Variants in SLC6A3 observed in about 807,000 individuals in gnomAD.
SLC6A3 encodes the protein solute carrier family 6 member 3, also known as sodium-dependent dopamine transporter.
In SLC6A3, 19 loss-of-function variants were observed where a neutral mutation model predicts 70.4. The observed-to-expected ratio is 0.27, with a 90% CI of 0.19 to 0.40. The LOEUF (loss-of-function observed/expected upper bound fraction) is 0.40, where lower values mean the gene tolerates loss of function less well. Among genes scored for constraint, SLC6A3 ranks in the 10% least tolerant of loss-of-function variants. SLC6A3 has a pLI of 1.00. For missense variants in SLC6A3, 613 were observed against 838.5 expected (o/e 0.73, Z 3.32); for synonymous variants, 368 against 356.6 (o/e 1.03, Z -0.36).
rs558930490 is a variant in SLC6A3 at position 1,408,536 on chromosome 5, C to A, written c.1498+490G>T. On this transcript the variant is annotated intron_variant, in intron 11 of 14. Coordinates refer to ENST00000270349, the MANE Select transcript of SLC6A3 (RefSeq NM_001044.5). This position sits in a 1 kb window ranked among gnomAD's most constrained non-coding sequence, Gnocchi z 6.4. ...GCTGGGTTTTCTGTTGCTGTTTAAA[C>A]CACTGGTGGAAGTCCCAGGACACAG... Among the ~76,000 whole-genome samples the A allele has an allele frequency of 3.9e-5, 6 of 152,282 alleles. No individual in the cohort carries two copies. The highest frequency in any genetic ancestry group is 1.4e-4 in the African/African-American group (6 of 41,560).
chr5:1,414,625 G>GGCTTT, intron 8 of SLC6A3, 66 bp downstream of exon 8: 1 of 1,581,266 alleles, frequency 6.3e-7, no homozygotes, highest in Non-Finnish European at 8.6e-7. Flanking sequence ...CAAGGAAAAA[G>GGCTTT]GCTTTGCTGA....
At chr5:1,414,898 T>C in intron 7 of SLC6A3, 83 bp from the exon 8 acceptor site, 2 of 1,577,348 alleles carry the variant, frequency 1.3e-6, no homozygotes, top group Non-Finnish European at 1.7e-6. Context: ...TAATTTACTG[T>C]GTCTGGGGAA....
At chr5:1,420,483 T>C (rs904788519) in intron 6 of SLC6A3, 86 bp downstream of exon 6, 12 of 1,524,336 alleles carry the variant, frequency 7.9e-6, no homozygotes, top group Non-Finnish European at 1.1e-5. Flanking sequence ...CTCTGACACC[T>C]CTCAGCCCTG....
chr5:1,394,975 C>A lies in SLC6A3; in HGVS notation c.1840-217G>T, dbSNP rs1175849254. Among the ~76,000 whole-genome samples, 1 of 152,212 alleles carries A rather than the reference C, an allele frequency of 6.6e-6. No individual in the cohort carries two copies. The highest frequency in any genetic ancestry group is 1.5e-5 in the Non-Finnish European group (1 of 68,044). ...CTCACTCAAACTCCTACAAATCAAT[C>A]ATTACTTGATTTTTTAAAAAGCCGC... On this transcript the variant is annotated intron_variant, in intron 14 of 14. Transcript: ENST00000270349. The surrounding 1 kb of genome is among the most constrained non-coding windows in gnomAD (Gnocchi z 4.7).
chr5:1,436,965 G>C lies in SLC6A3; in HGVS notation c.419-4267C>G, dbSNP rs1482154530. On this transcript the variant is annotated intron_variant, in intron 3 of 14. Coordinates refer to ENST00000270349, the MANE Select transcript of SLC6A3 (RefSeq NM_001044.5). The surrounding 1 kb of genome is among the most constrained non-coding windows in gnomAD (Gnocchi z 5.2). ...AAGCAGGTCTTTGGAAGAAAGACGG[G>C]AGAGGGCCGGGCACGGTGGCTCACT... Among the ~76,000 whole-genome samples, 1 of 152,204 alleles carries C rather than the reference G, an allele frequency of 6.6e-6. No homozygotes were observed. The highest frequency in any genetic ancestry group is 2.4e-5 in the African/African-American group (1 of 41,452).
In SLC6A3 at chr5:1,421,966, C is replaced by A; in HGVS notation, c.702G>T (p.Gly234=). The A allele has an allele frequency of 1.2e-6, 2 of 1,613,028 alleles. No homozygotes were observed. Among genetic ancestry groups the A allele is most frequent in the Non-Finnish European group, 1.7e-6 (2 of 1,179,964 alleles). ...LHQSHGIDDL[G]PPRWQLTACL... is the part of the protein sequence containing the mutation. Reference sequence around the variant, plus strand: ...AGGCTGTGAGCTGCCACCGCGGAGGCCCCAGGTCGTCGATGCCATGGCTCT... The same window carrying A: ...AGGCTGTGAGCTGCCACCGCGGAGGACCCAGGTCGTCGATGCCATGGCTCT... Residue 234 remains glycine (G), a synonymous_variant, in exon 5 of 15, where the codon GGG becomes GGT. Coordinates refer to ENST00000270349, the MANE Select transcript of SLC6A3 (RefSeq NM_001044.5). This position sits in a 1 kb window ranked among gnomAD's most constrained non-coding sequence, Gnocchi z 7.2.
chr5:1,419,593 C>T (rs1029532892), intron 6 of SLC6A3, among the ~76,000 whole-genome samples: 12 of 152,246 alleles, frequency 7.9e-5, no homozygotes, highest in African/African-American at 2.4e-4. Context: ...TTTGGCCTTT[C>T]TGGGGTCCAG....
In SLC6A3 at chr5:1,397,482, C is replaced by A. The variant is rs2126311366; in HGVS notation, c.1840-2724G>T. On this transcript the variant is annotated intron_variant, in intron 14 of 14. Coordinates refer to ENST00000270349, the MANE Select transcript of SLC6A3 (RefSeq NM_001044.5). This position sits in a 1 kb window ranked among gnomAD's most constrained non-coding sequence, Gnocchi z 4.7. ...AACAAAAAAGAAACCCAGGTCCCGA[C>A]ACTCCGCAGTGAACCCGAGACACCG... 6.6e-6 allele frequency among the ~76,000 whole-genome samples: 1 copy of A among 152,276 alleles called. No homozygotes were observed. Among genetic ancestry groups the A allele is most frequent in the East Asian group, 1.9e-4 (1 of 5,180 alleles).
intron 6 of SLC6A3, among the ~76,000 whole-genome samples, chr5:1,418,523 GTGTA>G (rs1250610977): frequency 6.6e-6 from 1 of 152,068 alleles, no homozygotes; most frequent in Non-Finnish European, 1.5e-5. Flanking sequence ...GTACATGTGT[GTGTA>G]TGTATCTATC....
At position 1,397,414 on chromosome 5, in the gene SLC6A3, G is replaced by A. The variant is rs1051748342; in HGVS notation, c.1840-2656C>T. Among the ~76,000 whole-genome samples the A allele has an allele frequency of 1.3e-5, 2 of 152,166 alleles. No homozygotes were observed. The highest frequency in any genetic ancestry group is 2.9e-5 in the Non-Finnish European group (2 of 68,038). On this transcript the variant is annotated intron_variant, in intron 14 of 14. Coordinates refer to ENST00000270349, the MANE Select transcript of SLC6A3 (RefSeq NM_001044.5). This position sits in a 1 kb window ranked among gnomAD's most constrained non-coding sequence, Gnocchi z 4.7. ...CCACTGCACTCCAGCCTGGGCTACAGAGCGAGACTCCGTCTCAAAACAAAC... is the reference window on the plus strand; with the variant it reads ...CCACTGCACTCCAGCCTGGGCTACAAAGCGAGACTCCGTCTCAAAACAAAC...
At chr5:1,423,975 C>T (rs558231507) in intron 4 of SLC6A3, among the ~76,000 whole-genome samples, 2 of 152,222 alleles carry the variant, frequency 1.3e-5, no homozygotes, top group Non-Finnish European at 2.9e-5. Context: ...AGCTTTCCAC[C>T]AGCTGCAAGG....
rs1231219968 is a variant in SLC6A3 at position 1,416,490 on chromosome 5, G to T, written c.928-289C>A. 5.6e-6 allele frequency: 3 copies of T among 535,316 alleles called. No homozygotes were observed. In the African/African-American group the frequency reaches 5.7e-5, roughly 10 times the overall value. 33.2% of individuals were successfully genotyped at this position (535,316 alleles called of 1,614,324 possible). A position where few individuals can be genotyped will look rare whatever the true frequency, so the allele number is the denominator to read the frequency against. On this transcript the variant is annotated intron_variant, in intron 6 of 14. Transcript: ENST00000270349. ...GATTCCACAGAACCAGAGGTGCCCT[G>T]CTCCATAGCCCTCAGAACAGCATGG...
Position 1,420,672 on chromosome 5 carries a change from ACGT to A in SLC6A3, c.821_823del (p.Tyr274_Val275delinsLeu). 1 of 1,613,640 alleles carries A rather than the reference ACGT, an allele frequency of 6.2e-7. No individual in the cohort carries two copies. The highest frequency in any genetic ancestry group is 8.5e-7 in the Non-Finnish European group (1 of 1,179,952). Reference sequence around the variant, plus strand: ...ACGCAGGAGCAGGGCAGTGAGGACCACGTATGGCATGGTGGCTGTGATCCATAC... The same window carrying A: ...ACGCAGGAGCAGGGCAGTGAGGACCAATGGCATGGTGGCTGTGATCCATAC... On this transcript the variant is annotated inframe_deletion, in exon 6 of 15. Transcript: ENST00000270349.
chr5:1,394,705 G>A lies in SLC6A3; in HGVS notation c.*30C>T. The A allele has an allele frequency of 1.2e-6, 2 of 1,611,320 alleles. No individual in the cohort carries two copies. On this transcript the variant is annotated 3_prime_UTR_variant, in exon 15 of 15. Coordinates refer to ENST00000270349, the MANE Select transcript of SLC6A3 (RefSeq NM_001044.5). This position sits in a 1 kb window ranked among gnomAD's most constrained non-coding sequence, Gnocchi z 4.7. ...GTTCGTGTCTCTCCCATTGCAGGAT[G>A]ACTTCCTGGGGTCTTCGTCTCTGCT...
Position 1,438,737 on chromosome 5 carries a change from G to A in SLC6A3, c.418+2622C>T, listed in dbSNP as rs1353959248. On this transcript the variant is annotated intron_variant, in intron 3 of 14. Coordinates refer to ENST00000270349, the MANE Select transcript of SLC6A3 (RefSeq NM_001044.5). The surrounding 1 kb of genome is among the most constrained non-coding windows in gnomAD (Gnocchi z 6.5). Reference sequence around the variant, plus strand: ...TTGCTCCAACACCAGGCTCACTGGCGGGAGTGGGGCACAGGGCTGTGCCTT... The same window carrying A: ...TTGCTCCAACACCAGGCTCACTGGCAGGAGTGGGGCACAGGGCTGTGCCTT... 1.3e-5 allele frequency among the ~76,000 whole-genome samples: 2 copies of A among 152,208 alleles called. No individual in the cohort carries two copies. The highest frequency in any genetic ancestry group is 1.9e-4 in the East Asian group (1 of 5,194).
chr5:1,403,877 CA>C (rs1245375209), intron 12 of SLC6A3, among the ~76,000 whole-genome samples: 1 of 152,222 alleles, frequency 6.6e-6, no homozygotes, highest in Non-Finnish European at 1.5e-5. Context: ...ATCCACTCCA[CA>C]AACATGCACC....
rs3797200 is a variant in SLC6A3, at chr5:1,393,229, C to A, written c.*1506G>T. 1 of 152,154 alleles carries A rather than the reference C, an allele frequency of 6.6e-6. No homozygotes were observed. The highest frequency in any genetic ancestry group is 2.4e-5 in the African/African-American group (1 of 41,436). 9.4% of individuals were successfully genotyped at this position (152,154 alleles called of 1,614,324 possible). A position where few individuals can be genotyped will look rare whatever the true frequency, so the allele number is the denominator to read the frequency against. On this transcript the variant is annotated 3_prime_UTR_variant, in exon 15 of 15. Transcript: ENST00000270349. Reference sequence around the variant, plus strand: ...GCACGGCCCCTGCCCTCGGGCAGCACGTAGGCAGGCCCACCGACTTGAGGC... The same window carrying A: ...GCACGGCCCCTGCCCTCGGGCAGCAAGTAGGCAGGCCCACCGACTTGAGGC...
At chr5:1,414,849 G>A (rs1426817876) in intron 7 of SLC6A3, 34 bp from the exon 8 acceptor site, 18 of 1,612,202 alleles carry the variant, frequency 1.1e-5, no homozygotes, top group Non-Finnish European at 1.5e-5. Context: ...TCAGGAACCA[G>A]CTGAGCTGCA....
At chr5:1,417,634 C>A (rs1463725273) in intron 6 of SLC6A3, among the ~76,000 whole-genome samples, 1 of 152,240 alleles carries the variant, frequency 6.6e-6, no homozygotes, top group Non-Finnish European at 1.5e-5. Context: ...CCACAACCTG[C>A]TAAGGTGAGG....
Sources: allele counts gnomAD v4.1 joint callset (sites outside exome capture counted in the v4.1 genomes callset), GRCh38; gene constraint gnomAD v4.1.1; non-coding constraint Gnocchi (gnomAD v3.1); transcripts MANE v1.5; gene names NCBI Gene and HGNC (gene_info 2026-07-23, HGNC 2026-07-21).